The following MITF variants were observed in gnomAD, a reference collection of about 807,000 sequenced individuals.
The protein encoded by MITF is melanocyte inducing transcription factor.
In MITF, 17 loss-of-function variants were observed where a neutral mutation model predicts 60.5. The ratio of observed to expected loss-of-function variants is 0.28; its 90% confidence interval spans 0.19 to 0.42. MITF has a LOEUF of 0.42. MITF is among the 10% of genes least tolerant of loss of function. The probability of loss-of-function intolerance (pLI) is 1.00; values close to 1 mark genes in which losing one functional copy is unlikely to be tolerated. For missense variants in MITF, 622 were observed against 683.5 expected, an observed-to-expected ratio of 0.91 and a Z score of 1.00; for synonymous variants, 260 against 248.5, an observed-to-expected ratio of 1.05 and a Z score of -0.43.
chr3:69,967,250 G>T lies in MITF; in HGVS notation c.*2002G>T, dbSNP rs1190847903. ...TTTTATAGCTTTATTTCTTAAGGGG[G>T]TAGGGAAAATTAGTTCCCATTCTTT... On this transcript the variant is annotated 3_prime_UTR_variant, in exon 10 of 10. Transcript: ENST00000352241. 8.6e-6 allele frequency: 2 copies of T among 232,226 alleles called. No homozygotes were observed. Among genetic ancestry groups the T allele is most frequent in the Non-Finnish European group, 8.5e-6 (1 of 117,266 alleles). The allele number at this position is 232,226 out of a possible 1,614,324, so 14.4% of individuals were successfully genotyped here. A position where few individuals can be genotyped will look rare whatever the true frequency, so the allele number is the denominator to read the frequency against.
intron 5 of MITF, among the ~76,000 whole-genome samples, 182 bp from the exon 6 acceptor site, chr3:69,948,869 G>T (rs1048839452): frequency 6.6e-6 from 1 of 152,100 alleles, no homozygotes; most frequent in Non-Finnish European, 1.5e-5. Context: ...AGGAGATCCT[G>T]TACCTCTCTT....
At chr3:69,957,204 A>C (rs941078757) in intron 8 of MITF, among the ~76,000 whole-genome samples, 1 of 152,214 alleles carries the variant, frequency 6.6e-6, no homozygotes, top group Non-Finnish European at 1.5e-5. Flanking sequence ...ACATCAGCAG[A>C]TAGGACAACA....
chr3:69,877,875 G>A (rs910523225), intron 1 of MITF, among the ~76,000 whole-genome samples: 5 of 152,112 alleles, frequency 3.3e-5, no homozygotes, highest in African/African-American at 1.2e-4. Flanking sequence ...TACTTACCTC[G>A]AAGCATGACT....
chr3:69,889,895 C>T (rs978102048), intron 2 of MITF, among the ~76,000 whole-genome samples: 14 of 152,076 alleles, frequency 9.2e-5, no homozygotes, highest in African/African-American at 3.1e-4. Context: ...AGCAGCCACA[C>T]GTGGTCTTTG....
intron 8 of MITF, among the ~76,000 whole-genome samples, chr3:69,957,256 C>G (rs1251679930): frequency 1.3e-5 from 2 of 152,240 alleles, no homozygotes; most frequent in Middle Eastern, 3.4e-3. Context: ...CCATTTGAAG[C>G]AAGGGGCTAG....
At chr3:69,951,063 G>C (rs903731713) in intron 6 of MITF, among the ~76,000 whole-genome samples, 10 of 143,226 alleles carry the variant, frequency 7.0e-5, no homozygotes, top group Non-Finnish European at 1.2e-4. Flanking sequence ...TAGTGAACTA[G>C]TTAGAAGAGA....
At position 69,949,150 on chromosome 3, in the gene MITF, A is replaced by G. The variant is rs1461382408; in HGVS notation, c.862A>G (p.Ile288Val). The G allele has an allele frequency of 1.2e-6, 2 of 1,613,124 alleles. No homozygotes were observed. The highest frequency in any genetic ancestry group is 1.3e-5 in the African/African-American group (1 of 74,862). ...CTCCTGTCCAGCCAACCTTCCCAAC[A>G]TAAAAAGGGAGCTCACAGGTAAACA... ...SNSCPANLPN[I>V]KRELTACIFP... The change falls in exon 6 of 10, where the codon ATA becomes GTA. Residue 288 changes from isoleucine (I) to valine (V), a missense_variant. Ile to Val is a conservative substitution (Grantham distance 29). Around this residue, in one of 5 missense-constraint regions of MITF, gnomAD observed 215 missense variants for 224.8 expected, o/e 0.96. Coordinates refer to ENST00000352241, the MANE Select transcript of MITF (RefSeq NM_001354604.2).
At chr3:69,873,746 G>T (rs1439904284) in intron 1 of MITF, among the ~76,000 whole-genome samples, 1 of 152,144 alleles carries the variant, frequency 6.6e-6, no homozygotes, top group African/African-American at 2.4e-5. Context: ...AGAATTAGAG[G>T]TATGGGTTCA....
rs777132795 is a variant in MITF at position 69,965,257 on chromosome 3, C to T, written c.*9C>T. The T allele has an allele frequency of 6.2e-7, 1 of 1,612,352 alleles. No homozygotes were observed. The highest frequency in any genetic ancestry group is 8.5e-7 in the Non-Finnish European group (1 of 1,178,566). Reference sequence around the variant, plus strand: ...CGGAGCACACTTGTTAGCGAATCCTCCCTGCACTGCATTCGCACAAACTGC... The same window carrying T: ...CGGAGCACACTTGTTAGCGAATCCTTCCTGCACTGCATTCGCACAAACTGC... On this transcript the variant is annotated 3_prime_UTR_variant, in exon 10 of 10. Transcript: ENST00000352241.
chr3:69,938,941 C>T (rs1405075958), intron 3 of MITF, 157 bp from the exon 4 acceptor site: 3 of 1,509,764 alleles, frequency 2.0e-6, no homozygotes, highest in East Asian at 2.5e-5. Context: ...TGATTTGACA[C>T]AAGTTCTTCC....
At chr3:69,771,847 C>G (rs546927439) in intron 1 of MITF, among the ~76,000 whole-genome samples, 4 of 152,232 alleles carry the variant, frequency 2.6e-5, no homozygotes, top group East Asian at 1.9e-4. Flanking sequence ...GACTGGGTAG[C>G]CTGCCATCGC....
chr3:69,792,050 A>G (rs184178637), intron 1 of MITF, among the ~76,000 whole-genome samples: 1 of 152,280 alleles, frequency 6.6e-6, no homozygotes, highest in East Asian at 1.9e-4. Context: ...CCTCATCTGT[A>G]CTTGCCAGAA....
At position 69,739,665 on chromosome 3, in the gene MITF, C is replaced by G; in HGVS notation, c.68C>G (p.Thr23Ser). 1 of 1,582,248 alleles carries G rather than the reference C, an allele frequency of 6.3e-7. No homozygotes were observed. The highest frequency in any genetic ancestry group is 1.2e-5 in the South Asian group (1 of 86,534). Reference protein sequence around the residue: ...VGEEFHEEPKTYYELKSQPLK... With the variant: ...VGEEFHEEPKSYYELKSQPLK... Reference sequence around the variant, plus strand: ...GAGGAGTTTCATGAAGAGCCCAAAACCTATTACGAACTCAAAAGTCAACCG... The same window carrying G: ...GAGGAGTTTCATGAAGAGCCCAAAAGCTATTACGAACTCAAAAGTCAACCG... The change falls in exon 1 of 10, where the codon ACC becomes AGC. Residue 23 changes from threonine to serine, a missense_variant. Thr to Ser is a moderately conservative substitution (Grantham distance 58). Coordinates refer to ENST00000352241, the MANE Select transcript of MITF (RefSeq NM_001354604.2).
intron 2 of MITF, among the ~76,000 whole-genome samples, chr3:69,899,259 T>C (rs2064944434): frequency 6.6e-6 from 1 of 151,990 alleles, no homozygotes; most frequent in Admixed American, 6.6e-5. Flanking sequence ...CTCCAGGAAA[T>C]AAGAAGTGAG....
rs541489303 is a variant in MITF at position 69,963,625 on chromosome 3, G to T, written c.1180-1222G>T. 5.5e-4 allele frequency among the ~76,000 whole-genome samples: 83 copies of T among 152,280 alleles called. No homozygotes were observed. In the South Asian group the frequency reaches 0.012, roughly 22 times the overall value. On this transcript the variant is annotated intron_variant, in intron 9 of 9. Transcript: ENST00000352241. Reference sequence around the variant, plus strand: ...TGTTGGGCACTGCACGACTTCTAAAGTCTTGGAATCAGATTGGACACCATC... The same window carrying T: ...TGTTGGGCACTGCACGACTTCTAAATTCTTGGAATCAGATTGGACACCATC...
At chr3:69,880,595 G>T (rs1052361909) in intron 2 of MITF, among the ~76,000 whole-genome samples, 3 of 151,902 alleles carry the variant, frequency 2.0e-5, no homozygotes, top group African/African-American at 7.2e-5. Context: ...TTTTTTACCC[G>T]TCAGTTAACT....
chr3:69,758,112 C>A, intron 1 of MITF, among the ~76,000 whole-genome samples: 1 of 137,894 alleles, frequency 7.3e-6, no homozygotes, highest in South Asian at 2.4e-4. Context: ...ATAAATATAT[C>A]ATATGCACAC....
At chr3:69,768,562 G>A (rs1332473023) in intron 1 of MITF, among the ~76,000 whole-genome samples, 1 of 152,194 alleles carries the variant, frequency 6.6e-6, no homozygotes, top group Non-Finnish European at 1.5e-5. Flanking sequence ...ATTTGGCTTT[G>A]GTGGCTGCTT....
intron 1 of MITF, among the ~76,000 whole-genome samples, chr3:69,789,015 C>CAT (rs1445429579): frequency 2.0e-5 from 3 of 151,928 alleles, no homozygotes; most frequent in Admixed American, 1.3e-4. Flanking sequence ...ATGGAAAAAA[C>CAT]ATAGTGATAT....
Sources: allele counts gnomAD v4.1 joint callset (sites outside exome capture counted in the v4.1 genomes callset), GRCh38; gene constraint gnomAD v4.1.1; regional missense constraint gnomAD v4.1.1; transcripts MANE v1.5; gene names NCBI Gene and HGNC (gene_info 2026-07-23, HGNC 2026-07-21).